Variants in DGKI observed in about 807,000 individuals in gnomAD.
The protein encoded by DGKI is diacylglycerol kinase iota, also known as DAG kinase iota.
Under a neutral mutation model 147.5 loss-of-function variants are expected in DGKI, and 55 were observed. The ratio of observed to expected loss-of-function variants is 0.37; its 90% CI spans 0.30 to 0.47. The LOEUF is 0.47. Among genes scored for constraint, DGKI ranks in the 20% least tolerant of loss-of-function variants. The pLI is 1.00. For missense variants in DGKI, 1,007 were observed against 1,323.8 expected, an observed-to-expected ratio of 0.76 and a Z score of 3.71; for synonymous variants, 469 against 477.1, an observed-to-expected ratio of 0.98 and a Z score of 0.22.
At chr7:137,733,389 A>T (rs573680322) in intron 1 of DGKI, among the ~76,000 whole-genome samples, 1 of 152,216 alleles carries the variant, frequency 6.6e-6, no homozygotes, top group South Asian at 2.1e-4. Context: ...AATGTCCTCA[A>T]GGCTCACTCA....
At chr7:137,656,297 A>G (rs1303809102) in intron 4 of DGKI, among the ~76,000 whole-genome samples, 169 bp downstream of exon 4, 2 of 152,232 alleles carry the variant, frequency 1.3e-5, no homozygotes, top group African/African-American at 4.8e-5. Flanking sequence ...AAGAGAGTGA[A>G]CGACCCTTAA....
chr7:137,819,608 C>A (rs966411245), intron 1 of DGKI, among the ~76,000 whole-genome samples: 1 of 152,174 alleles, frequency 6.6e-6, no homozygotes, highest in Non-Finnish European at 1.5e-5. Context: ...CCGCGCCCAG[C>A]CAGACTACAA....
At chr7:137,658,208 A>G (rs1822292845) in intron 3 of DGKI, among the ~76,000 whole-genome samples, 1 of 152,238 alleles carries the variant, frequency 6.6e-6, no homozygotes, top group Admixed American at 6.5e-5. Flanking sequence ...ACAAGAAAAC[A>G]TACAGTAGTA....
At chr7:137,567,544 C>A (rs192197215) in intron 19 of DGKI, among the ~76,000 whole-genome samples, 2 of 152,248 alleles carry the variant, frequency 1.3e-5, no homozygotes, top group African/African-American at 4.8e-5. Flanking sequence ...GACTCAGAAA[C>A]TTGACAGGAC....
chr7:137,788,360 C>T (rs1796736279), intron 1 of DGKI, among the ~76,000 whole-genome samples: 1 of 152,032 alleles, frequency 6.6e-6, no homozygotes, highest in Non-Finnish European at 1.5e-5. Flanking sequence ...TCTTCCCAAT[C>T]CCATCTTCCC....
At chr7:137,665,172 G>C (rs989398303) in intron 3 of DGKI, among the ~76,000 whole-genome samples, 2 of 152,148 alleles carry the variant, frequency 1.3e-5, no homozygotes, top group Non-Finnish European at 2.9e-5. Context: ...TTTCCTGAAA[G>C]AGAATAAGAA....
chr7:137,750,445 G>A (rs1050177432), intron 1 of DGKI, among the ~76,000 whole-genome samples: 3 of 152,018 alleles, frequency 2.0e-5, no homozygotes, highest in African/African-American at 7.2e-5. Context: ...ACAAAGCCTG[G>A]CACATAGTAG....
At chr7:137,622,583 T>C (rs1210519368) in intron 7 of DGKI, among the ~76,000 whole-genome samples, 1 of 152,156 alleles carries the variant, frequency 6.6e-6, no homozygotes, top group Non-Finnish European at 1.5e-5. Context: ...CATGAAAGTG[T>C]CTATAGACAA....
chr7:137,588,195 G>A (rs1278132389), intron 12 of DGKI, among the ~76,000 whole-genome samples: 1 of 152,154 alleles, frequency 6.6e-6, no homozygotes, highest in Non-Finnish European at 1.5e-5. Context: ...TTGATACGAA[G>A]TACATAATTC....
Position 137,638,178 on chromosome 7 carries a change from C to A in DGKI, c.804+7294G>T, listed in dbSNP as rs908528221. ...CAGCTTGTAAATATCAGCTTGGTGG[C>A]TTCACAACTCCTCCTTTTCATTCTC... is the stretch of plus-strand genomic sequence containing the variant. On this transcript the variant is annotated intron_variant, in intron 6 of 32. Coordinates refer to ENST00000614521, the MANE Select transcript of DGKI (RefSeq NM_001321708.2). 1.2e-4 allele frequency among the ~76,000 whole-genome samples: 19 copies of A among 152,028 alleles called. 1 individual carries two copies. The highest frequency in any genetic ancestry group is 4.3e-4 in the African/African-American group (18 of 41,484).
chr7:137,748,970 C>T (rs999282655), intron 1 of DGKI, among the ~76,000 whole-genome samples: 2 of 152,120 alleles, frequency 1.3e-5, no homozygotes, highest in Admixed American at 6.5e-5. Flanking sequence ...AATTTAGTAT[C>T]GTGCCTTATA....
At chr7:137,755,036 CAG>C (rs1198103177) in intron 1 of DGKI, among the ~76,000 whole-genome samples, 2 of 152,172 alleles carry the variant, frequency 1.3e-5, no homozygotes, top group Non-Finnish European at 2.9e-5. Flanking sequence ...ATTTTGCTCT[CAG>C]GGGCATATCT....
chr7:137,586,130 T>C (rs1161275021), intron 13 of DGKI, among the ~76,000 whole-genome samples: 2 of 152,100 alleles, frequency 1.3e-5, no homozygotes, highest in Admixed American at 6.6e-5. Flanking sequence ...TATGAGCAGA[T>C]AAAAAGTTGG....
intron 3 of DGKI, among the ~76,000 whole-genome samples, chr7:137,661,776 C>T (rs1043313419): frequency 4.6e-5 from 7 of 152,152 alleles, no homozygotes; most frequent in Non-Finnish European, 8.8e-5. Flanking sequence ...AGGAAGGAGG[C>T]GCCATGCAGC....
intron 12 of DGKI, among the ~76,000 whole-genome samples, chr7:137,590,398 G>A (rs893810069): frequency 6.6e-6 from 1 of 152,152 alleles, no homozygotes; most frequent in Non-Finnish European, 1.5e-5. Context: ...ATCTCCCCAG[G>A]GTGGAGCCAT....
At chr7:137,758,271 C>G (rs1340831007) in intron 1 of DGKI, among the ~76,000 whole-genome samples, 3 of 152,216 alleles carry the variant, frequency 2.0e-5, no homozygotes, top group Non-Finnish European at 4.4e-5. Flanking sequence ...GGACTCAGGT[C>G]CTGGCCCAAG....
At chr7:137,603,986 T>C (rs569953286) in intron 10 of DGKI, among the ~76,000 whole-genome samples, 2 of 152,290 alleles carry the variant, frequency 1.3e-5, no homozygotes, top group African/African-American at 4.8e-5. Context: ...CCAGCTTTTT[T>C]TTCTCCCAGA....
intron 23 of DGKI, among the ~76,000 whole-genome samples, chr7:137,485,110 C>A (rs181392272): frequency 6.6e-5 from 10 of 152,088 alleles, no homozygotes; most frequent in African/African-American, 2.4e-4. Flanking sequence ...GCTGAGTTTT[C>A]TGGTATTTGT....
intron 2 of DGKI, among the ~76,000 whole-genome samples, chr7:137,681,228 T>C (rs1165116374): frequency 1.3e-5 from 2 of 152,208 alleles, no homozygotes; most frequent in Non-Finnish European, 2.9e-5. Flanking sequence ...CCAAAACTTT[T>C]TCTTCTCTAC....
Sources: gnomAD v4.1 joint callset for allele counts (sites outside exome capture counted in the v4.1 genomes callset) on GRCh38, gnomAD v4.1.1 for gene constraint, MANE v1.5 for transcripts, NCBI Gene and HGNC (gene_info 2026-07-23, HGNC 2026-07-21) for gene names.